The following KMT5A variants were observed in gnomAD, a reference collection of about 807,000 sequenced individuals.
KMT5A encodes the protein N-lysine methyltransferase KMT5A.
A neutral mutation model predicts 40.6 loss-of-function variants in KMT5A; 6 were observed. That is an observed-to-expected ratio of 0.15 (90% CI 0.08 to 0.29). The LOEUF is 0.29. Among genes scored for constraint, KMT5A ranks in the 10% least tolerant of loss-of-function variants. KMT5A has a pLI of 1.00. For missense variants in KMT5A, 308 were observed against 459.1 expected (o/e 0.67, Z 3.01); for synonymous variants, 153 against 178.8 (o/e 0.86, Z 1.15).
At chr12:123,386,833 T>TG (rs561332399) in intron 1 of KMT5A, among the ~76,000 whole-genome samples, 57 of 152,022 alleles carry the variant, frequency 3.7e-4, no homozygotes, top group East Asian at 5.8e-4. Context: ...TAGCACCTGG[T>TG]GGGGGGGTCT....
intron 5 of KMT5A, among the ~76,000 whole-genome samples, chr12:123,402,279 GCGGGGC>G (rs372236515): frequency 6.6e-6 from 1 of 152,244 alleles, no homozygotes; most frequent in African/African-American, 2.4e-5. Context: ...GGGGGCCGGA[GCGGGGC>G]CGGGGCCGTG....
At chr12:123,406,578 T>C (rs958706761) in intron 7 of KMT5A, among the ~76,000 whole-genome samples, 3 of 152,162 alleles carry the variant, frequency 2.0e-5, no homozygotes, top group Non-Finnish European at 4.4e-5. Flanking sequence ...CCTCCGAAAG[T>C]GCTGGGATTA....
intron 2 of KMT5A, chr12:123,389,947 C>G (rs1244256794): frequency 2.4e-6 from 1 of 415,350 alleles, no homozygotes; most frequent in Non-Finnish European, 4.8e-6. Flanking sequence ...GGAGGGGCCC[C>G]ACGCCCAGAG....
intron 1 of KMT5A, among the ~76,000 whole-genome samples, chr12:123,386,412 C>T (rs1270594300): frequency 3.9e-5 from 6 of 151,958 alleles, no homozygotes; most frequent in African/African-American, 1.2e-4. Flanking sequence ...GACGGGGTTT[C>T]GCCATGTTGG....
intron 3 of KMT5A, 194 bp downstream of exon 3, chr12:123,390,980 C>A: frequency 1.7e-6 from 1 of 595,574 alleles, no homozygotes; most frequent in South Asian, 2.1e-5. Flanking sequence ...GACAGGTTTT[C>A]CCTGCTTTCA....
intron 5 of KMT5A, among the ~76,000 whole-genome samples, chr12:123,400,308 T>A (rs1281743077): frequency 6.6e-6 from 1 of 151,888 alleles, no homozygotes; most frequent in East Asian, 1.9e-4. Flanking sequence ...GTGCTGGGAT[T>A]ACAGGCGTGA....
intron 5 of KMT5A, among the ~76,000 whole-genome samples, chr12:123,399,970 C>T (rs1195621115): frequency 1.3e-5 from 2 of 151,848 alleles, no homozygotes; most frequent in East Asian, 3.9e-4. Flanking sequence ...ATTACAGGCG[C>T]CCACCACCAT....
chr12:123,407,425 T>G (rs1393832264), intron 7 of KMT5A, 68 bp from the exon 8 acceptor site: 2 of 1,434,844 alleles, frequency 1.4e-6, no homozygotes, highest in Non-Finnish European at 2.0e-6. Context: ...TGAGCACAAG[T>G]GTGACTCTCT....
chr12:123,392,487 A>G (rs1057129839), intron 3 of KMT5A, among the ~76,000 whole-genome samples: 1 of 152,032 alleles, frequency 6.6e-6, no homozygotes, highest in African/African-American at 2.4e-5. Context: ...GTGAGGCCTC[A>G]TCTCTACAAC....
In KMT5A at chr12:123,395,930, C is replaced by T. The variant is rs184304925; in HGVS notation, c.510-415C>T. ...GGAGTGCAGTAGCTCACTGCAGCCT[C>T]AACCTCTCAGGACCAAGTGATCCTC... On this transcript the variant is annotated intron_variant, in intron 4 of 7. Coordinates refer to ENST00000402868, the MANE Select transcript of KMT5A (RefSeq NM_020382.7). Among the ~76,000 whole-genome samples, 4 of 152,306 alleles carry T rather than the reference C, an allele frequency of 2.6e-5. No individual in the cohort carries two copies. The East Asian group carries it at 5.8e-4, about 22-fold the overall frequency.
rs116638108 is a variant in KMT5A, at chr12:123,390,783, G to A, written c.286G>A (p.Glu96Lys). 4,824 of 1,613,520 alleles carry A rather than the reference G, an allele frequency of 3.0e-3. 11 individuals are homozygous for A. Among genetic ancestry groups the A allele is most frequent in the Non-Finnish European group, 3.7e-3 (4,383 of 1,179,694 alleles). Residue 96 changes from glutamate to lysine, a missense_variant, in exon 3 of 8, where the codon GAA becomes AAA. This residue lies in a region of KMT5A where 127 missense variants were observed against 129.8 expected (regional missense o/e 0.98). Transcript: ENST00000402868. ...KPLAGIYRKR[E>K]EKRNAGNAVR... ...ATTAGCCGGAATCTACAGGAAACGA[G>A]AAGGTAAGCTTTTGAAATGGCCTCG...
At chr12:123,398,973 C>T (rs1397021498) in intron 5 of KMT5A, among the ~76,000 whole-genome samples, 1 of 152,222 alleles carries the variant, frequency 6.6e-6, no homozygotes, top group East Asian at 1.9e-4. Flanking sequence ...AGCGCCAGGG[C>T]GTGGGTCCTG....
At position 123,403,462 on chromosome 12, in the gene KMT5A, C is replaced by T. The variant is rs374870874; in HGVS notation, c.598-111C>T. On this transcript the variant is annotated intron_variant, in intron 5 of 7. Transcript: ENST00000402868. ...CATCCCCAGTGATGCCAAATGAGGCCGATTGTGGCCCGGTGGGCATGGCCT... is the reference window on the plus strand; with the variant it reads ...CATCCCCAGTGATGCCAAATGAGGCTGATTGTGGCCCGGTGGGCATGGCCT... 6.8e-4 allele frequency: 792 copies of T among 1,165,254 alleles called. 13 individuals carry two copies. In the South Asian group the frequency reaches 9.6e-3, roughly 14 times the overall value. 72.2% of individuals were successfully genotyped at this position (1,165,254 alleles called of 1,614,324 possible).
At position 123,384,496 on chromosome 12, in the gene KMT5A, C is replaced by A. The variant is rs1489211400; in HGVS notation, c.10+288C>A. 3.3e-5 allele frequency among the ~76,000 whole-genome samples: 5 copies of A among 152,262 alleles called. No homozygotes were observed. Among genetic ancestry groups the A allele is most frequent in the African/African-American group, 1.2e-4 (5 of 41,472 alleles). On this transcript the variant is annotated intron_variant, in intron 1 of 7. Coordinates refer to ENST00000402868, the MANE Select transcript of KMT5A (RefSeq NM_020382.7). The surrounding 1 kb of genome is among the most constrained non-coding windows in gnomAD (Gnocchi z 5.7). ...ACGGCAGCAGATCCATATGTCAGAG[C>A]TCTTTGGAAACTAAAGCGCAGGGCA...
intron 4 of KMT5A, among the ~76,000 whole-genome samples, chr12:123,395,638 C>T (rs1227063630): frequency 1.3e-5 from 2 of 150,324 alleles, no homozygotes; most frequent in Admixed American, 6.7e-5. Context: ...GATCTCGGCT[C>T]ACTGCAAACA....
chr12:123,402,418 G>T (rs1384705934), intron 5 of KMT5A, among the ~76,000 whole-genome samples: 1 of 152,228 alleles, frequency 6.6e-6, no homozygotes, highest in Non-Finnish European at 1.5e-5. Flanking sequence ...GCACATTGCA[G>T]GTGTGGATTG....
intron 1 of KMT5A, among the ~76,000 whole-genome samples, chr12:123,385,463 C>T (rs985524078): frequency 1.1e-4 from 16 of 152,170 alleles, no homozygotes; most frequent in Non-Finnish European, 2.2e-4. Context: ...CTCATCACAG[C>T]AAAATCATTT....
chr12:123,397,335 C>A (rs1459741329), intron 5 of KMT5A, among the ~76,000 whole-genome samples: 10 of 152,168 alleles, frequency 6.6e-5, no homozygotes, highest in Non-Finnish European at 5.9e-5. Flanking sequence ...CCCTCACCCC[C>A]ACAGTGACCA....
chr12:123,396,169 C>T (rs1877704787), intron 4 of KMT5A, among the ~76,000 whole-genome samples, 176 bp from the exon 5 acceptor site: 1 of 152,182 alleles, frequency 6.6e-6, no homozygotes, highest in African/African-American at 2.4e-5. Context: ...TGAAACTCCT[C>T]TGAGGCCCTC....
Sources: gnomAD v4.1 joint callset for allele counts (sites outside exome capture counted in the v4.1 genomes callset) on GRCh38, gnomAD v4.1.1 for gene constraint, gnomAD v4.1.1 regional missense constraint, Gnocchi (gnomAD v3.1) non-coding constraint, MANE v1.5 for transcripts, NCBI Gene and HGNC (gene_info 2026-07-23, HGNC 2026-07-21) for gene names.